RCC2: variants seen among roughly 807,000 people sequenced by gnomAD.
The protein encoded by RCC2 is regulator of chromosome condensation 2.
In RCC2, 19 loss-of-function variants were observed where a neutral mutation model predicts 64.1. That is an observed-to-expected ratio of 0.30 (90% CI 0.21 to 0.44). The LOEUF is 0.44. RCC2 is among the 20% of genes least tolerant of loss of function. RCC2 has a pLI of 1.00. For missense variants in RCC2, 508 were observed against 710.4 expected, an observed-to-expected ratio of 0.72 and a Z score of 3.24; for synonymous variants, 325 against 279.6, an observed-to-expected ratio of 1.16 and a Z score of -1.62.
In RCC2 at chr1:17,408,171, A is replaced by C. The variant is rs1243666334; in HGVS notation, c.*919T>G. 6.6e-6 allele frequency: 1 copy of C among 152,362 alleles called. No homozygotes were observed. Among genetic ancestry groups the C allele is most frequent in the African/African-American group, 2.4e-5 (1 of 41,460 alleles). The allele number at this position is 152,362 out of a possible 1,614,324, so 9.4% of individuals were successfully genotyped here. On this transcript the variant is annotated 3_prime_UTR_variant, in exon 13 of 13. Coordinates refer to ENST00000375436, the MANE Select transcript of RCC2 (RefSeq NM_018715.4). ...GGCGGGGGGGAGAAAAAGAGACCAA[A>C]GCACAAGGCGATCGAGGCTGGCACA...
chr1:17,424,779 G>A (rs1206080123), intron 4 of RCC2, among the ~76,000 whole-genome samples: 1 of 152,200 alleles, frequency 6.6e-6, no homozygotes, highest in Admixed American at 6.5e-5. Flanking sequence ...CAGAGGCCGG[G>A]AGTCACCAAA....
chr1:17,420,894 C>T (rs993646672), intron 6 of RCC2, 66 bp from the exon 7 acceptor site: 10 of 1,031,328 alleles, frequency 9.7e-6, no homozygotes, highest in Non-Finnish European at 1.4e-5. Context: ...TACCTCTCTG[C>T]ATGTTGGTGG....
chr1:17,430,152 A>G (rs1036964226), intron 2 of RCC2, among the ~76,000 whole-genome samples: 4 of 152,200 alleles, frequency 2.6e-5, no homozygotes, highest in Non-Finnish European at 4.4e-5. Flanking sequence ...TTCCGCTCTT[A>G]CACATCTTTC....
chr1:17,416,840 C>A (rs1391541410), intron 7 of RCC2, among the ~76,000 whole-genome samples, 194 bp from the exon 8 acceptor site: 1 of 152,200 alleles, frequency 6.6e-6, no homozygotes, highest in Non-Finnish European at 1.5e-5. Context: ...TCAGTGAAAT[C>A]AATTTTGTGA....
intron 10 of RCC2, 53 bp downstream of exon 10, chr1:17,413,019 GA>G (rs1477604536): frequency 7.4e-7 from 1 of 1,360,476 alleles, no homozygotes; most frequent in African/African-American, 1.4e-5. Context: ...GGGTGTGTCT[GA>G]CACCCCCATG....
In RCC2 at chr1:17,407,032, CTTGTT is replaced by C. The variant is rs2075368108; in HGVS notation, c.*2053_*2057del. The C allele has an allele frequency of 6.6e-6, 1 of 152,198 alleles. No homozygotes were observed. Among genetic ancestry groups the C allele is most frequent in the Non-Finnish European group, 1.5e-5 (1 of 68,042 alleles). The allele number at this position is 152,198 out of a possible 1,614,324, so 9.4% of individuals were successfully genotyped here. On this transcript the variant is annotated 3_prime_UTR_variant, in exon 13 of 13. Transcript: ENST00000375436. Reference sequence around the variant, plus strand: ...GCACGACACCCTTCCCCCACAACTCCTTGTTTTAAAGGATTTAACCCATTAGGAAG... The same window carrying C: ...GCACGACACCCTTCCCCCACAACTCCTTAAAGGATTTAACCCATTAGGAAG...
chr1:17,437,022 G>A (rs925169871), intron 2 of RCC2, among the ~76,000 whole-genome samples: 17 of 152,158 alleles, frequency 1.1e-4, no homozygotes, highest in African/African-American at 4.1e-4. Flanking sequence ...TCACCCAGAA[G>A]GCACTTTTAC....
Position 17,439,055 on chromosome 1 carries a change from C to A in RCC2, c.-9+490G>T, listed in dbSNP as rs536691347. 7.8e-4 allele frequency among the ~76,000 whole-genome samples: 118 copies of A among 152,226 alleles called. 1 individual carries two copies. Among genetic ancestry groups the A allele is most frequent in the African/African-American group, 2.7e-3 (114 of 41,550 alleles). On this transcript the variant is annotated intron_variant, in intron 1 of 12. Transcript: ENST00000375436. ...CCCCACCCCGCATCAGCCCTGGACC[C>A]CCGTTCGGCCCCAGCTCAGGGGTGC...
intron 8 of RCC2, among the ~76,000 whole-genome samples, chr1:17,416,197 C>G (rs1413452445): frequency 6.6e-6 from 1 of 151,908 alleles, no homozygotes; most frequent in Non-Finnish European, 1.5e-5. Flanking sequence ...AAGCCAAAAG[C>G]AGAAAGTGCT....
chr1:17,422,430 G>C, intron 5 of RCC2, 139 bp from the exon 6 acceptor site: 2 of 807,788 alleles, frequency 2.5e-6, no homozygotes, highest in South Asian at 3.5e-5. Flanking sequence ...AAAGCTGGCA[G>C]TGCAGACGCT....
At chr1:17,420,854 CATTTTTTTT>C (rs200812013) in intron 6 of RCC2, 26 bp from the exon 7 acceptor site, 17,775 of 1,496,012 alleles carry the variant, frequency 0.012, 129 homozygotes, top group Non-Finnish European at 0.014. Flanking sequence ...AGGAGACTTT[CATTTTTTTT>C]AAAGACTGAT....
intron 10 of RCC2, among the ~76,000 whole-genome samples, chr1:17,412,836 C>A (rs1218989459): frequency 6.6e-6 from 1 of 152,212 alleles, no homozygotes; most frequent in Non-Finnish European, 1.5e-5. Context: ...TGAACAGAAA[C>A]CTTCAAAATG....
chr1:17,419,757 G>A (rs1041989232), intron 7 of RCC2, among the ~76,000 whole-genome samples: 1 of 152,176 alleles, frequency 6.6e-6, no homozygotes, highest in Admixed American at 6.5e-5. Flanking sequence ...GCAGGAGCGC[G>A]CACGTGGCAG....
rs1427046903 is a variant in RCC2 at position 17,425,527 on chromosome 1, C to T, written c.523+14G>A. The stretch of plus-strand genomic sequence containing the variant: ...ACAGTGGTCCCCAGTGCCCAGCACC[C>T]GCACGGTACTCACCCCAGCTCCACA... On this transcript the variant is annotated intron_variant, in intron 4 of 12. Transcript: ENST00000375436. The T allele has an allele frequency of 8.8e-6, 14 of 1,591,192 alleles. No homozygotes were observed. Among genetic ancestry groups the T allele is most frequent in the South Asian group, 2.2e-5 (2 of 89,244 alleles).
intron 3 of RCC2, among the ~76,000 whole-genome samples, chr1:17,427,533 GAAGGGATA>G (rs1410145194): frequency 2.6e-5 from 4 of 152,206 alleles, no homozygotes; most frequent in Non-Finnish European, 5.9e-5. Context: ...ACAAAACTCG[GAAGGGATA>G]AAGAGAAACC....
intron 5 of RCC2, 117 bp from the exon 6 acceptor site, chr1:17,422,408 T>G (rs190918487): frequency 2.2e-5 from 21 of 946,374 alleles, no homozygotes; most frequent in Non-Finnish European, 3.1e-5. Flanking sequence ...AGAAGGCAAG[T>G]GAGACTGCCC....
At chr1:17,420,680 G>T in intron 7 of RCC2, 34 bp downstream of exon 7, 1 of 1,372,872 alleles carries the variant, frequency 7.3e-7, no homozygotes, top group Non-Finnish European at 1.0e-6. Context: ...TATACAGTTA[G>T]ATTACAGAGC....
chr1:17,414,806 G>GT (rs957967558), intron 8 of RCC2, among the ~76,000 whole-genome samples: 8 of 151,972 alleles, frequency 5.3e-5, no homozygotes, highest in Non-Finnish European at 7.4e-5. Flanking sequence ...GATTTTTGTG[G>GT]TTTTTTTGTA....
In RCC2 at chr1:17,413,053, CA is replaced by C; in HGVS notation, c.1313+19del. The C allele has an allele frequency of 6.4e-7, 1 of 1,573,230 alleles. No homozygotes were observed. Among genetic ancestry groups the C allele is most frequent in the South Asian group, 1.1e-5 (1 of 90,134 alleles). ...ATGAAAGGAAGAGACCTCATACCCA[CA>C]GGAGATGCTGCCACCTACCCACAAG... On this transcript the variant is annotated intron_variant, in intron 10 of 12. Transcript: ENST00000375436.
Sources: allele counts gnomAD v4.1 joint callset (sites outside exome capture counted in the v4.1 genomes callset), GRCh38; gene constraint gnomAD v4.1.1; transcripts MANE v1.5; gene names NCBI Gene and HGNC (gene_info 2026-07-23, HGNC 2026-07-21).